Variants in SBF2 observed in about 807,000 individuals in gnomAD.
SBF2 encodes the protein myotubularin-related protein 13.
Under a neutral mutation model 225.2 loss-of-function variants are expected in SBF2, and 112 were observed. The observed-to-expected ratio is 0.50, with a 90% CI of 0.43 to 0.58. The LOEUF (loss-of-function observed/expected upper bound fraction) is 0.58, where lower values mean the gene tolerates loss of function less well. Among genes scored for constraint, SBF2 ranks in the 20% least tolerant of loss-of-function variants. The probability of loss-of-function intolerance (pLI) is 0.00; values close to 1 mark genes in which losing one functional copy is unlikely to be tolerated. For synonymous variants in SBF2, 763 were observed against 773.3 expected, an observed-to-expected ratio of 0.99 and a Z score of 0.22; for missense variants, 1,996 against 2,206.2, an observed-to-expected ratio of 0.90 and a Z score of 1.91.
intron 12 of SBF2, among the ~76,000 whole-genome samples, chr11:9,990,515 C>A (rs1590695314): frequency 2.0e-5 from 3 of 152,246 alleles, no homozygotes; most frequent in Admixed American, 2.0e-4. Flanking sequence ...TGCAAACGGC[C>A]AAAGAGGGTA....
chr11:10,031,251 A>G, intron 3 of SBF2, 81 bp from the exon 4 acceptor site: 3 of 1,299,512 alleles, frequency 2.3e-6, no homozygotes, highest in Non-Finnish European at 3.3e-6. Context: ...ATCACCTTAA[A>G]TATAACTTAT....
chr11:10,028,362 T>C, intron 6 of SBF2, 90 bp downstream of exon 6: 3 of 847,136 alleles, frequency 3.5e-6, no homozygotes, highest in Non-Finnish European at 6.2e-6. Flanking sequence ...AAACATTTTC[T>C]TGATTCATGT....
chr11:10,190,608 A>T (rs144623488), intron 2 of SBF2, among the ~76,000 whole-genome samples: 1 of 152,328 alleles, frequency 6.6e-6, no homozygotes, highest in East Asian at 1.9e-4. Context: ...ATCCTTTTCC[A>T]CCAGTTGTAA....
intron 2 of SBF2, among the ~76,000 whole-genome samples, chr11:10,170,678 T>A (rs956850721): frequency 4.6e-5 from 7 of 152,192 alleles, no homozygotes; most frequent in African/African-American, 1.7e-4. Context: ...ATTCTATTTC[T>A]GTAAAGAATG....
At chr11:10,014,095 A>G (rs1024811393) in intron 6 of SBF2, among the ~76,000 whole-genome samples, 10 of 152,116 alleles carry the variant, frequency 6.6e-5, no homozygotes, top group Non-Finnish European at 4.4e-5. Flanking sequence ...TCCTAGCCCT[A>G]GTCCAACCAT....
At chr11:10,262,745 C>T (rs1053076500) in intron 1 of SBF2, among the ~76,000 whole-genome samples, 3 of 152,098 alleles carry the variant, frequency 2.0e-5, no homozygotes, top group African/African-American at 7.2e-5. Flanking sequence ...AAACTTTTAA[C>T]CAAGTATCCT....
chr11:10,193,934 C>G lies in SBF2; in HGVS notation c.109G>C (p.Asp37His), dbSNP rs759977048. The change falls in exon 2 of 40, where the codon GAT (aspartate) becomes CAT (histidine). Residue 37 changes from aspartate (D) to histidine (H), a missense_variant. Physicochemically the swap from Asp to His is moderately conservative, Grantham distance 81 (BLOSUM62 -1). Coordinates refer to ENST00000256190, the MANE Select transcript of SBF2 (RefSeq NM_030962.4). ...ATTCCCTGTGGAAAAGGTGTATCATCCCAGTCCTTCTGTGGAAATCTCTGG... is the reference window on the plus strand; with the variant it reads ...ATTCCCTGTGGAAAAGGTGTATCATGCCAGTCCTTCTGTGGAAATCTCTGG... ...IIQRFPQKDW[D>H]DTPFPQGIEL... 3.3e-5 allele frequency: 54 copies of G among 1,612,784 alleles called. No individual in the cohort carries two copies. The highest frequency in any genetic ancestry group is 4.4e-5 in the Non-Finnish European group (52 of 1,178,906).
chr11:10,194,123 A>C, intron 1 of SBF2, 136 bp from the exon 2 acceptor site: 1 of 729,448 alleles, frequency 1.4e-6, no homozygotes, highest in South Asian at 1.6e-5. Flanking sequence ...AGTTTTAAAA[A>C]ACATGTGAGT....
At chr11:10,207,637 T>C (rs568598033) in intron 1 of SBF2, among the ~76,000 whole-genome samples, 1 of 152,178 alleles carries the variant, frequency 6.6e-6, no homozygotes, top group South Asian at 2.1e-4. Flanking sequence ...ACTGTCAGAA[T>C]TGATTCTTTT....
intron 1 of SBF2, 23 bp downstream of exon 1, chr11:10,293,992 G>A (rs1257278247): frequency 7.5e-7 from 1 of 1,335,030 alleles, no homozygotes; most frequent in Admixed American, 3.3e-5. Flanking sequence ...AGGCCCGGGG[G>A]CGGTGCCGCC....
At chr11:9,983,520 T>C (rs183287108) in intron 13 of SBF2, among the ~76,000 whole-genome samples, 1 of 152,202 alleles carries the variant, frequency 6.6e-6, no homozygotes, top group East Asian at 1.9e-4. Context: ...ACAAAGGGCA[T>C]ATTATCTTGG....
chr11:10,195,866 A>C (rs948808799), intron 1 of SBF2, among the ~76,000 whole-genome samples: 2 of 152,206 alleles, frequency 1.3e-5, no homozygotes, highest in Non-Finnish European at 2.9e-5. Flanking sequence ...TTTTGTTAAG[A>C]GTAAACCAAC....
intron 2 of SBF2, among the ~76,000 whole-genome samples, chr11:10,168,083 C>T (rs1956047506): frequency 6.6e-6 from 1 of 152,156 alleles, no homozygotes. Context: ...TGTTTTTTTA[C>T]AGTACTTATC....
At chr11:10,222,077 G>A (rs1958359499) in intron 1 of SBF2, among the ~76,000 whole-genome samples, 1 of 152,200 alleles carries the variant, frequency 6.6e-6, no homozygotes. Flanking sequence ...TCCAGGTAGA[G>A]ATAAAAGAAC....
At chr11:9,881,069 C>T (rs965065552) in intron 17 of SBF2, among the ~76,000 whole-genome samples, 1 of 152,098 alleles carries the variant, frequency 6.6e-6, no homozygotes, top group African/African-American at 2.4e-5. Context: ...ATGTACAAGC[C>T]ACTCACAGAG....
chr11:10,256,636 A>C (rs1326804103), intron 1 of SBF2, among the ~76,000 whole-genome samples: 1 of 152,218 alleles, frequency 6.6e-6, no homozygotes. Flanking sequence ...ATTATAAACC[A>C]AAATCCTCAT....
intron 6 of SBF2, among the ~76,000 whole-genome samples, chr11:10,021,000 A>G (rs1948835318): frequency 6.6e-6 from 1 of 152,162 alleles, no homozygotes; most frequent in Non-Finnish European, 1.5e-5. Flanking sequence ...GGCCAAAGTT[A>G]ACCATGGACA....
At chr11:10,163,983 T>C (rs1955853521) in intron 2 of SBF2, among the ~76,000 whole-genome samples, 1 of 152,190 alleles carries the variant, frequency 6.6e-6, no homozygotes, top group Non-Finnish European at 1.5e-5. Context: ...TGGACAAAGC[T>C]GAAATTATTT....
chr11:10,204,816 A>G (rs1327187481), intron 1 of SBF2, among the ~76,000 whole-genome samples: 1 of 152,080 alleles, frequency 6.6e-6, no homozygotes, highest in African/African-American at 2.4e-5. Context: ...AAGAGACAGG[A>G]AGTAAATTCA....
Sources: allele counts gnomAD v4.1 joint callset (sites outside exome capture counted in the v4.1 genomes callset), GRCh38; gene constraint gnomAD v4.1.1; transcripts MANE v1.5; gene names NCBI Gene and HGNC (gene_info 2026-07-23, HGNC 2026-07-21).